Variants in SDK2 observed in about 807,000 individuals in gnomAD.
The protein encoded by SDK2 is protein sidekick-2.
A neutral mutation model predicts 253.9 loss-of-function variants in SDK2; 105 were observed. That is an observed-to-expected ratio of 0.41 (90% CI 0.35 to 0.49). The LOEUF (loss-of-function observed/expected upper bound fraction) is 0.49, where lower values mean the gene tolerates loss of function less well. Ranked by LOEUF, SDK2 falls within the 20% of genes least tolerant of loss-of-function variation. The pLI is 0.06. For synonymous variants in SDK2, 1,249 were observed against 1,234.9 expected, an observed-to-expected ratio of 1.01 and a Z score of -0.24; for missense variants, 2,608 against 3,003.0, an observed-to-expected ratio of 0.87 and a Z score of 3.07.
Position 73,380,967 on chromosome 17 carries a change from C to CGGTTTGGTTTA in SDK2, c.4706-18_4706-17insTAAACCAAACC. 1 of 985,114 alleles carries CGGTTTGGTTTA rather than the reference C, an allele frequency of 1.0e-6. No individual in the cohort carries two copies. Among genetic ancestry groups the CGGTTTGGTTTA allele is most frequent in the Non-Finnish European group, 1.5e-6 (1 of 651,198 alleles). The allele number at this position is 985,114 out of a possible 1,614,324, so 61.0% of individuals were successfully genotyped here. ...AGTACATGGCTATGGGGTGGGGGTGCCGGGGCGGGGGCGCAGAGGGAGACA... is the reference window on the plus strand; with the variant it reads ...AGTACATGGCTATGGGGTGGGGGTGCGGTTTGGTTTACGGGGCGGGGGCGCAGAGGGAGACA... On this transcript the variant is annotated splice_polypyrimidine_tract_variant and intron_variant, in intron 33 of 44. Coordinates refer to ENST00000392650, the MANE Select transcript of SDK2 (RefSeq NM_001144952.2).
chr17:73,423,745 T>A lies in SDK2; in HGVS notation c.1760+171A>T, dbSNP rs6501635. On this transcript the variant is annotated intron_variant, in intron 13 of 44. Coordinates refer to ENST00000392650, the MANE Select transcript of SDK2 (RefSeq NM_001144952.2). The stretch of plus-strand genomic sequence containing the variant: ...CCCTGCTCTTGACGGAGGGCCTAAC[T>A]GAGCTGAGAGAAAGGCCTGGAAGGA... Among the ~76,000 whole-genome samples the A allele has an allele frequency of 0.71, 107,890 of 152,016 alleles. 39,396 individuals are homozygous for A. The highest frequency in any genetic ancestry group is 0.79 in the Admixed American group (12,010 of 15,294).
At chr17:73,568,761 A>G (rs1213983975) in intron 1 of SDK2, among the ~76,000 whole-genome samples, 2 of 148,026 alleles carry the variant, frequency 1.4e-5, no homozygotes, top group Non-Finnish European at 3.0e-5. Context: ...AAGAGGCTCA[A>G]TGAACCCCAA....
At chr17:73,586,120 T>G (rs2045599581) in intron 1 of SDK2, among the ~76,000 whole-genome samples, 1 of 152,066 alleles carries the variant, frequency 6.6e-6, no homozygotes, top group Admixed American at 6.5e-5. Flanking sequence ...CTAATGGAGG[T>G]GATCCCTACA....
intron 1 of SDK2, among the ~76,000 whole-genome samples, chr17:73,626,032 C>G (rs367558748): frequency 1.3e-5 from 2 of 152,026 alleles, no homozygotes; most frequent in Non-Finnish European, 2.9e-5. Context: ...ACCCCCTTTC[C>G]GAGCTGCTCC....
At chr17:73,373,107 G>A (rs1054484567) in intron 36 of SDK2, among the ~76,000 whole-genome samples, 1 of 152,096 alleles carries the variant, frequency 6.6e-6, no homozygotes, top group Non-Finnish European at 1.5e-5. Context: ...CCACATATAC[G>A]CGAGGTCATG....
chr17:73,484,794 C>G (rs2063759903), intron 2 of SDK2, among the ~76,000 whole-genome samples: 1 of 152,218 alleles, frequency 6.6e-6, no homozygotes, highest in African/African-American at 2.4e-5. Context: ...ATTTGGTGTT[C>G]TCTTCTCTGG....
chr17:73,594,552 T>C (rs1364604405), intron 1 of SDK2, among the ~76,000 whole-genome samples: 1 of 152,018 alleles, frequency 6.6e-6, no homozygotes, highest in Non-Finnish European at 1.5e-5. Flanking sequence ...AGCAATGTGC[T>C]TGCTCCTGCA....
chr17:73,613,345 C>G lies in SDK2; in HGVS notation c.64+30680G>C, dbSNP rs186393532. On this transcript the variant is annotated intron_variant, in intron 1 of 44. Coordinates refer to ENST00000392650, the MANE Select transcript of SDK2 (RefSeq NM_001144952.2). ...CAGCCGGCTCACCTCGCTCCCTCCC[C>G]CTCTGCTCTCCCCACCCCCGCCCTC... Among the ~76,000 whole-genome samples the G allele has an allele frequency of 8.1e-3, 1,237 of 152,024 alleles. 14 individuals carry two copies. The highest frequency in any genetic ancestry group is 0.028 in the African/African-American group (1,165 of 41,438).
intron 1 of SDK2, among the ~76,000 whole-genome samples, chr17:73,622,238 C>T (rs2046141929): frequency 6.6e-6 from 1 of 152,212 alleles, no homozygotes; most frequent in Non-Finnish European, 1.5e-5. Flanking sequence ...GAGAGGTCAA[C>T]CAAAGGGAGA....
chr17:73,552,505 G>GGCCGAGCGGTCAGTGGTCGA (rs1166793355), intron 1 of SDK2, among the ~76,000 whole-genome samples: 2 of 152,220 alleles, frequency 1.3e-5, no homozygotes, highest in African/African-American at 4.8e-5. Flanking sequence ...GCCAGCTGAT[G>GGCCGAGCGGTCAGTGGTCGA]GCCGAGCGGT....
At chr17:73,453,615 G>A (rs1477334851) in intron 4 of SDK2, among the ~76,000 whole-genome samples, 1 of 152,134 alleles carries the variant, frequency 6.6e-6, no homozygotes, top group Non-Finnish European at 1.5e-5. Context: ...GACCTCATGT[G>A]ATCTGCCCAG....
chr17:73,368,713 G>C lies in SDK2; in HGVS notation c.4981-120C>G, dbSNP rs530042232. On this transcript the variant is annotated intron_variant, in intron 36 of 44. Transcript: ENST00000392650. Reference sequence around the variant, plus strand: ...GCTGTGAGTCACCTGGGAAACAGCGGAGAAGTCTTTAAGAGGCCGGGTGCG... The same window carrying C: ...GCTGTGAGTCACCTGGGAAACAGCGCAGAAGTCTTTAAGAGGCCGGGTGCG... 1.4e-4 allele frequency: 133 copies of C among 918,378 alleles called. 2 individuals are homozygous for C. In the Admixed American group the frequency reaches 2.9e-3, roughly 20 times the overall value. The allele number at this position is 918,378 out of a possible 1,614,324, so 56.9% of individuals were successfully genotyped here.
intron 1 of SDK2, among the ~76,000 whole-genome samples, chr17:73,527,864 G>A (rs991826048): frequency 2.0e-5 from 3 of 152,200 alleles, no homozygotes; most frequent in African/African-American, 7.2e-5. Context: ...ATGATGCTGA[G>A]GGGAGAGGAG....
Position 73,585,427 on chromosome 17 carries a change from G to A in SDK2, c.64+58598C>T, listed in dbSNP as rs2045590388. Among the ~76,000 whole-genome samples, 5 of 152,356 alleles carry A rather than the reference G, an allele frequency of 3.3e-5. No homozygotes were observed. The South Asian group carries it at 1.0e-3, about 32-fold the overall frequency. ...CTCTTGTGAGCAGGAATCCCCCGGA[G>A]GGGGTGTTAAAACATAGACTCCTGA... On this transcript the variant is annotated intron_variant, in intron 1 of 44. Coordinates refer to ENST00000392650, the MANE Select transcript of SDK2 (RefSeq NM_001144952.2).
chr17:73,567,992 T>C (rs948360419), intron 1 of SDK2, among the ~76,000 whole-genome samples: 1 of 152,250 alleles, frequency 6.6e-6, no homozygotes. Context: ...AAAATGATTA[T>C]ATTTTACAAT....
chr17:73,597,649 C>CTTTTT (rs762635491), intron 1 of SDK2, among the ~76,000 whole-genome samples: 1 of 142,436 alleles, frequency 7.0e-6, no homozygotes, highest in South Asian at 2.2e-4. Flanking sequence ...ATTTTCTTTT[C>CTTTTT]TTTTTTTTTT....
At chr17:73,483,659 GTGTA>G (rs1240086424) in intron 2 of SDK2, among the ~76,000 whole-genome samples, 626 of 28,084 alleles carry the variant, frequency 0.022, 23 homozygotes, top group African/African-American at 0.038. Flanking sequence ...GTGTGTGTGT[GTGTA>G]TATATATATA....
At chr17:73,437,335 AGAG>A in intron 8 of SDK2, among the ~76,000 whole-genome samples, 1 of 152,240 alleles carries the variant, frequency 6.6e-6, no homozygotes, top group Middle Eastern at 3.4e-3. Flanking sequence ...GGGAGCTGGC[AGAG>A]GAGATGGAGC....
chr17:73,500,023 G>A (rs141887323), intron 2 of SDK2, among the ~76,000 whole-genome samples: 14 of 152,002 alleles, frequency 9.2e-5, no homozygotes, highest in South Asian at 4.1e-4. Context: ...GGTTGATGAC[G>A]TTGCCAGGGC....
Sources: gnomAD v4.1 joint callset for allele counts (sites outside exome capture counted in the v4.1 genomes callset) on GRCh38, gnomAD v4.1.1 for gene constraint, MANE v1.5 for transcripts, NCBI Gene and HGNC (gene_info 2026-07-23, HGNC 2026-07-21) for gene names.